The following FGF13 variants were observed in gnomAD, a reference collection of about 807,000 sequenced individuals.
FGF13 encodes the protein fibroblast growth factor 13.
FGF13 carries 2 observed loss-of-function variants against 19.5 expected under a neutral mutation model. The observed-to-expected ratio is 0.10, with a 90% CI of 0.04 to 0.32. FGF13 has a LOEUF of 0.32. Ranked by LOEUF, FGF13 falls within the 10% of genes least tolerant of loss-of-function variation. The pLI, the probability that FGF13 is intolerant of heterozygous loss-of-function variation, is 1.00. For missense variants in FGF13, 113 were observed against 192.7 expected (o/e 0.59, Z 2.45); for synonymous variants, 72 against 76.9 (o/e 0.94, Z 0.33).
At chrX:138,693,685 C>T (rs899770329) in intron 3 of FGF13, among the ~76,000 whole-genome samples, 3 of 111,558 alleles carry the variant, frequency 2.7e-5, no homozygotes, top group Non-Finnish European at 1.9e-5. Context: ...TTTAAATAAA[C>T]CAAATTCAAC....
At chrX:139,020,202 A>G (rs2092172470) in intron 1 of FGF13, among the ~76,000 whole-genome samples, 1 of 111,577 alleles carries the variant, frequency 9.0e-6, no homozygotes, top group Admixed American at 9.5e-5. Context: ...AATCAGCCTA[A>G]TGTTTTTCGC....
At chrX:138,754,306 A>G (rs1292625172) in intron 3 of FGF13, among the ~76,000 whole-genome samples, 3 of 111,744 alleles carry the variant, frequency 2.7e-5, no homozygotes, top group Non-Finnish European at 3.8e-5. Flanking sequence ...ATTCCCTGTT[A>G]TGTCCTCAGT....
At chrX:138,635,035 T>C (rs1235069135) in intron 4 of FGF13, among the ~76,000 whole-genome samples, 1 of 112,094 alleles carries the variant, frequency 8.9e-6, no homozygotes, top group Admixed American at 9.5e-5. Context: ...ATGTGGTATA[T>C]ATATACACCA....
At chrX:138,736,692 T>G (rs1230565103) in intron 1 of FGF13, among the ~76,000 whole-genome samples, 1 of 110,843 alleles carries the variant, frequency 9.0e-6, no homozygotes, top group Non-Finnish European at 1.9e-5. Context: ...AGGAAATGAT[T>G]AACAAATATA....
upstream of FGF13, among the ~76,000 whole-genome samples, chrX:138,740,263 C>G (rs2090309837): frequency 9.0e-6 from 1 of 111,617 alleles, no homozygotes; most frequent in African/African-American, 3.3e-5. Context: ...AAATCTGTCT[C>G]AAGTTCTGAA....
intron 1 of FGF13, among the ~76,000 whole-genome samples, chrX:138,913,911 A>G (rs1410016024): frequency 1.8e-5 from 2 of 110,170 alleles, no homozygotes; most frequent in Non-Finnish European, 3.8e-5. Flanking sequence ...ACCCTCAGGG[A>G]AGGCTCTCAC....
chrX:138,904,613 C>T (rs748431783), intron 1 of FGF13, among the ~76,000 whole-genome samples: 1 of 111,442 alleles, frequency 9.0e-6, no homozygotes, highest in African/African-American at 3.3e-5. Flanking sequence ...GGTTCTCACT[C>T]TTGGGTGCAC....
intron 3 of FGF13, among the ~76,000 whole-genome samples, chrX:138,688,534 CCT>C (rs1446910528): frequency 9.0e-6 from 1 of 110,846 alleles, no homozygotes; most frequent in Non-Finnish European, 1.9e-5. Flanking sequence ...TCCCAGTTAC[CCT>C]GATTTGATAA....
intron 1 of FGF13, among the ~76,000 whole-genome samples, chrX:138,874,223 G>A (rs1393219773): frequency 2.9e-5 from 3 of 105,083 alleles, no homozygotes; most frequent in South Asian, 4.3e-4. Context: ...TCATACTAAG[G>A]ACAGCTCTCT....
At chrX:139,094,393 A>G (rs891338317) in intron 1 of FGF13, among the ~76,000 whole-genome samples, 1 of 112,233 alleles carries the variant, frequency 8.9e-6, no homozygotes, top group African/African-American at 3.2e-5. Flanking sequence ...ACTTCAAGGA[A>G]CTAGAGCTAA....
At chrX:139,165,199 AT>A in intron 1 of FGF13, among the ~76,000 whole-genome samples, 1 of 112,481 alleles carries the variant, frequency 8.9e-6, no homozygotes, top group South Asian at 3.7e-4. Flanking sequence ...ATGTCCTAGG[AT>A]TTTATGGAAT....
chrX:138,882,673 T>C (rs1030768759), intron 1 of FGF13, among the ~76,000 whole-genome samples: 11 of 111,876 alleles, frequency 9.8e-5, no homozygotes, highest in African/African-American at 3.2e-4. Flanking sequence ...TAGGACTCAG[T>C]TGGGCTGGTT....
At chrX:138,969,402 T>C (rs1446304990) in intron 1 of FGF13, among the ~76,000 whole-genome samples, 1 of 111,445 alleles carries the variant, frequency 9.0e-6, no homozygotes, top group Non-Finnish European at 1.9e-5. Context: ...GAATGAAACA[T>C]CTAGGCTGGT....
At chrX:139,074,209 T>C (rs902658657) in intron 1 of FGF13, among the ~76,000 whole-genome samples, 1 of 112,411 alleles carries the variant, frequency 8.9e-6, no homozygotes, top group Non-Finnish European at 1.9e-5. Context: ...CAAAAATGTA[T>C]AACTCATCCA....
Position 138,630,030 on chromosome X carries a change from G to GGT in FGF13, c.*2818_*2819dup, listed in dbSNP as rs2089100647. On this transcript the variant is annotated 3_prime_UTR_variant, in exon 5 of 5. Transcript: ENST00000315930. ...TGCATGAGGGGATGGGGTGGGAAAG[G>GGT]GTGTGTGTGTATGTGTGTGTGTAAT... is the stretch of plus-strand genomic sequence containing the variant. 3 of 110,961 alleles carry GGT rather than the reference G, an allele frequency of 2.7e-5. No individual in the cohort carries two copies. Among genetic ancestry groups the GGT allele is most frequent in the Admixed American group, 1.9e-4 (2 of 10,368 alleles). 9.1% of individuals were successfully genotyped at this position (110,961 alleles called of 1,213,427 possible).
chrX:138,946,317 G>A (rs1036003614), intron 1 of FGF13, among the ~76,000 whole-genome samples: 1 of 111,933 alleles, frequency 8.9e-6, no homozygotes, highest in African/African-American at 3.2e-5. Context: ...AGGCTGGGGA[G>A]AAAAGAGCCG....
intron 3 of FGF13, among the ~76,000 whole-genome samples, chrX:138,758,335 G>A (rs938659380): frequency 4.5e-5 from 5 of 111,708 alleles, no homozygotes; most frequent in Non-Finnish European, 9.4e-5. Context: ...TTTAGTCCCA[G>A]AATGTTACCT....
intron 3 of FGF13, among the ~76,000 whole-genome samples, chrX:138,675,643 T>C (rs2089657557): frequency 8.9e-6 from 1 of 111,772 alleles, no homozygotes; most frequent in Admixed American, 9.6e-5. Context: ...GATTTATTAT[T>C]CTTAATTTTA....
In FGF13 at chrX:138,622,198, A is replaced by G. The variant is rs1340829449; in HGVS notation, c.*10652T>C. 9.0e-6 allele frequency: 1 copy of G among 111,563 alleles called. No individual in the cohort carries two copies. The highest frequency in any genetic ancestry group is 2.8e-4 in the East Asian group (1 of 3,552). The allele number at this position is 111,563 out of a possible 1,213,427, so 9.2% of individuals were successfully genotyped here. ...AATCCCTGTTGAACATAGATGCAAA[A>G]ATCCACAACAAAATACTAGCTAAAA... On this transcript the variant is annotated 3_prime_UTR_variant, in exon 5 of 5. Transcript: ENST00000315930.
Sources: gnomAD v4.1 joint callset for allele counts (sites outside exome capture counted in the v4.1 genomes callset) on GRCh38, gnomAD v4.1.1 for gene constraint, MANE v1.5 for transcripts, NCBI Gene and HGNC (gene_info 2026-07-23, HGNC 2026-07-21) for gene names.